NCK2: variants seen among roughly 807,000 people sequenced by gnomAD.
NCK2 encodes NCK adaptor protein 2.
A neutral mutation model predicts 33.9 loss-of-function variants in NCK2; 16 were observed. The ratio of observed to expected loss-of-function variants is 0.47; its 90% CI spans 0.32 to 0.72. The LOEUF is 0.72. Ranked by LOEUF, NCK2 falls within the 30% of genes least tolerant of loss-of-function variation. The pLI, the probability that NCK2 is intolerant of heterozygous loss-of-function variation, is 0.03. For missense variants in NCK2, 418 were observed against 537.3 expected, an observed-to-expected ratio of 0.78 and a Z score of 2.19; for synonymous variants, 273 against 239.9, an observed-to-expected ratio of 1.14 and a Z score of -1.27.
intron 3 of NCK2, among the ~76,000 whole-genome samples, chr2:105,878,382 TGGGGTG>T (rs1184636101): frequency 6.6e-6 from 1 of 152,214 alleles, no homozygotes; most frequent in Non-Finnish European, 1.5e-5. Flanking sequence ...ATGAAGTCAC[TGGGGTG>T]GGCCCTCATC....
At chr2:105,852,934 C>A (rs1262676593) in intron 2 of NCK2, among the ~76,000 whole-genome samples, 1 of 152,028 alleles carries the variant, frequency 6.6e-6, no homozygotes, top group Non-Finnish European at 1.5e-5. Context: ...TCCTCCTTCC[C>A]AAAAGGTTTG....
chr2:105,789,239 G>A, intron 1 of NCK2, among the ~76,000 whole-genome samples: 1 of 152,114 alleles, frequency 6.6e-6, no homozygotes, highest in South Asian at 2.1e-4. Context: ...CCAGGCTGGA[G>A]TGTAGTGGCG....
intron 1 of NCK2, among the ~76,000 whole-genome samples, chr2:105,774,564 C>T (rs1414578911): frequency 6.6e-6 from 1 of 152,032 alleles, no homozygotes; most frequent in Non-Finnish European, 1.5e-5. Flanking sequence ...CAGATTTGAT[C>T]GTCTCAATTT....
chr2:105,821,960 C>T (rs1241396025), intron 2 of NCK2, among the ~76,000 whole-genome samples: 1 of 151,394 alleles, frequency 6.6e-6, no homozygotes, highest in Admixed American at 6.6e-5. Flanking sequence ...ATGGTGGTGA[C>T]ATGGTAACGA....
At chr2:105,798,581 C>T (rs1201978558) in intron 1 of NCK2, among the ~76,000 whole-genome samples, 4 of 152,044 alleles carry the variant, frequency 2.6e-5, no homozygotes, top group African/African-American at 9.7e-5. Flanking sequence ...GTGAAGTTCC[C>T]CAAAGATACA....
At chr2:105,872,011 A>G (rs145141990) in intron 3 of NCK2, among the ~76,000 whole-genome samples, 108 of 152,348 alleles carry the variant, frequency 7.1e-4, no homozygotes, top group African/African-American at 2.3e-3. Context: ...TGTCAAGAAT[A>G]CATTTACTGC....
chr2:105,822,420 A>T (rs1208348006), intron 2 of NCK2, among the ~76,000 whole-genome samples: 1 of 151,984 alleles, frequency 6.6e-6, no homozygotes, highest in East Asian at 1.9e-4. Flanking sequence ...TGTACAGGCC[A>T]GGGGACTTTG....
chr2:105,758,413 G>GTTTTTTTTTT (rs574939583), intron 1 of NCK2, among the ~76,000 whole-genome samples: 2 of 132,520 alleles, frequency 1.5e-5, no homozygotes, highest in African/African-American at 2.8e-5. Context: ...TGTTGTTTTT[G>GTTTTTTTTTT]TTTTTTTTTT....
At chr2:105,844,580 A>AC (rs1558866283) in intron 2 of NCK2, among the ~76,000 whole-genome samples, 23 of 149,888 alleles carry the variant, frequency 1.5e-4, no homozygotes, top group African/African-American at 5.6e-4. Flanking sequence ...AAAACAAAAA[A>AC]AAAAAAAAAC....
chr2:105,862,228 G>C (rs1380235655), intron 3 of NCK2, among the ~76,000 whole-genome samples: 1 of 152,174 alleles, frequency 6.6e-6, no homozygotes, highest in African/African-American at 2.4e-5. Flanking sequence ...GAGGGCTTCA[G>C]ACTAGTGGGA....
At chr2:105,850,832 T>A (rs1677038155) in intron 2 of NCK2, among the ~76,000 whole-genome samples, 1 of 152,312 alleles carries the variant, frequency 6.6e-6, no homozygotes, top group East Asian at 1.9e-4. Flanking sequence ...AGTTTGTATG[T>A]CTAATTTTAT....
intron 1 of NCK2, among the ~76,000 whole-genome samples, chr2:105,777,412 C>T (rs193036946): frequency 1.3e-5 from 2 of 152,156 alleles, no homozygotes; most frequent in Non-Finnish European, 2.9e-5. Context: ...CACACAGACT[C>T]CTGAGAGTGT....
In NCK2 at chr2:105,753,372, C is replaced by T. The variant is rs988937375; in HGVS notation, c.-201+8234C>T. On this transcript the variant is annotated intron_variant, in intron 1 of 4. Transcript: ENST00000233154. The stretch of plus-strand genomic sequence containing the variant: ...CTCCCCCAGCCCCCTTGCTATGTTC[C>T]GTAGGCTGGTGGTCCTCCACCTGCC... Among the ~76,000 whole-genome samples the T allele has an allele frequency of 5.3e-5, 8 of 152,206 alleles. No individual in the cohort carries two copies. In the South Asian group the frequency reaches 6.2e-4, roughly 12 times the overall value.
chr2:105,841,777 A>G (rs376969452), intron 2 of NCK2, among the ~76,000 whole-genome samples: 2 of 152,242 alleles, frequency 1.3e-5, no homozygotes, highest in Non-Finnish European at 1.5e-5. Flanking sequence ...AAGCCAGGAA[A>G]TGGGAAGATG....
At chr2:105,845,918 A>G (rs1676839318) in intron 2 of NCK2, among the ~76,000 whole-genome samples, 2 of 152,058 alleles carry the variant, frequency 1.3e-5, no homozygotes, top group African/African-American at 4.8e-5. Flanking sequence ...GTATTTTCCC[A>G]TTGTTGGTAT....
intron 2 of NCK2, among the ~76,000 whole-genome samples, chr2:105,842,484 TAAAA>T (rs369458008): frequency 0.017 from 2,641 of 152,222 alleles, 38 homozygotes; most frequent in Non-Finnish European, 0.021. Flanking sequence ...ATATATACAT[TAAAA>T]AAATAAAAAT....
intron 1 of NCK2, among the ~76,000 whole-genome samples, chr2:105,761,071 G>A (rs1051858239): frequency 2.0e-5 from 3 of 152,176 alleles, no homozygotes; most frequent in Non-Finnish European, 2.9e-5. Context: ...CCCAGTGTCT[G>A]AGGAAGGCAT....
rs550310827 is a variant in NCK2 at position 105,756,725 on chromosome 2, G to A, written c.-201+11587G>A. ...GTATTGATGTTATTGAAGTCCCCTC[G>A]TCCCTCAAAACATTTGCCTTCACGC... On this transcript the variant is annotated intron_variant, in intron 1 of 4. Coordinates refer to ENST00000233154, the MANE Select transcript of NCK2 (RefSeq NM_003581.5). Among the ~76,000 whole-genome samples the A allele has an allele frequency of 7.3e-4, 111 of 152,308 alleles. 1 individual carries two copies. The South Asian group carries it at 0.012, about 17-fold the overall frequency.
rs145547076 is a variant in NCK2, at chr2:105,883,397, G to T, written c.948+1348G>T. ...ATTACAATATTAAGTGCTTGGTCCA[G>T]AGTCCTTAAGGGCTAAGTATAATGC... is the stretch of plus-strand genomic sequence containing the variant. On this transcript the variant is annotated intron_variant, in intron 4 of 4. Transcript: ENST00000233154. Among the ~76,000 whole-genome samples the T allele has an allele frequency of 2.4e-3, 360 of 152,310 alleles. 1 individual carries two copies. Among genetic ancestry groups the T allele is most frequent in the African/African-American group, 7.7e-3 (318 of 41,568 alleles).
Sources: gnomAD v4.1 joint callset for allele counts (sites outside exome capture counted in the v4.1 genomes callset) on GRCh38, gnomAD v4.1.1 for gene constraint, MANE v1.5 for transcripts, NCBI Gene and HGNC (gene_info 2026-07-23, HGNC 2026-07-21) for gene names.